Variants in SFI1 observed in about 807,000 individuals in gnomAD.
The protein encoded by SFI1 is SFI1 centrin binding protein.
Under a neutral mutation model 207.5 loss-of-function variants are expected in SFI1, and 195 were observed. That is an observed-to-expected ratio of 0.94 (90% CI 0.84 to 1.06). SFI1 has a LOEUF of 1.06. Among genes scored for constraint, SFI1 ranks in the 50% least tolerant of loss-of-function variants. The pLI, the probability that SFI1 is intolerant of heterozygous loss-of-function variation, is 0.00. For synonymous variants in SFI1, 630 were observed against 598.9 expected (o/e 1.05, Z -0.76); for missense variants, 1,634 against 1,588.0 (o/e 1.03, Z -0.49).
rs1473195397 is a variant in SFI1, at chr22:31,611,831, G to C, written c.2481G>C (p.Trp827Cys). 2 of 1,613,910 alleles carry C rather than the reference G, an allele frequency of 1.2e-6. No homozygotes were observed. The highest frequency in any genetic ancestry group is 1.7e-6 in the Non-Finnish European group (2 of 1,179,948). Residue 827 changes from tryptophan to cysteine, a missense_variant, in exon 24 of 33, where the codon TGG becomes TGC. By Grantham distance (215) the Trp-to-Cys change is radical. Transcript: ENST00000400288. ...QRLSRTCFRQ[W>C]RQQLAARRQE... ...TCAGCCGGACCTGCTTCCGCCAGTG[G>C]AGACAACAGGTGGGAACCCAGGAGA...
chr22:31,590,063 GA>G (rs2065633991), intron 15 of SFI1, among the ~76,000 whole-genome samples: 1 of 151,754 alleles, frequency 6.6e-6, no homozygotes, highest in South Asian at 2.1e-4. Context: ...AGGAGAAGAT[GA>G]GATGAGATCT....
chr22:31,518,613 G>T (rs117355264), intron 2 of SFI1, among the ~76,000 whole-genome samples: 2 of 151,842 alleles, frequency 1.3e-5, no homozygotes, highest in Middle Eastern at 3.4e-3. Context: ...TATGTTTGTC[G>T]TCCCTTTGTG....
At chr22:31,570,563 AT>A (rs1417980397) in intron 8 of SFI1, among the ~76,000 whole-genome samples, 3 of 152,186 alleles carry the variant, frequency 2.0e-5, no homozygotes, top group African/African-American at 7.2e-5. Context: ...TGGGAGGTAC[AT>A]TTGGGAAATT....
intron 31 of SFI1, among the ~76,000 whole-genome samples, 194 bp from the exon 32 acceptor site, chr22:31,617,918 CGGA>C (rs982973183): frequency 5.3e-5 from 8 of 152,102 alleles, no homozygotes; most frequent in African/African-American, 1.9e-4. Flanking sequence ...CTGGGGAGGG[CGGA>C]GGAGACTGGG....
rs548260620 is a variant in SFI1, at chr22:31,618,328, C to T, written c.3639C>T (p.Ile1213=). 1.2e-6 allele frequency: 2 copies of T among 1,610,086 alleles called. No individual in the cohort carries two copies. Among genetic ancestry groups the T allele is most frequent in the South Asian group, 1.1e-5 (1 of 90,848 alleles). ...QKELEQVEMQ[I]QLLAEELQAQ... ...CATGGCCCCAGGTGGAAATGCAGAT[C>T]CAGCTGCTGGCAGAGGAGCTCCAGG... Residue 1213 remains isoleucine, a synonymous_variant, in exon 33 of 33, where the codon ATC becomes ATT. Coordinates refer to ENST00000400288, the MANE Select transcript of SFI1 (RefSeq NM_001007467.3).
intron 4 of SFI1, among the ~76,000 whole-genome samples, chr22:31,531,498 G>A (rs1024403373): frequency 2.0e-5 from 3 of 152,164 alleles, no homozygotes; most frequent in Admixed American, 1.3e-4. Context: ...CGTGGCTCAC[G>A]CCTGTAAACC....
intron 10 of SFI1, among the ~76,000 whole-genome samples, chr22:31,576,933 C>T (rs1316114222): frequency 3.3e-5 from 5 of 152,188 alleles, no homozygotes; most frequent in Admixed American, 2.6e-4. Context: ...GCCTGAGCCA[C>T]CGCACCCAGC....
At chr22:31,594,318 A>AAG (rs1180572073) in intron 15 of SFI1, among the ~76,000 whole-genome samples, 2 of 149,424 alleles carry the variant, frequency 1.3e-5, no homozygotes, top group East Asian at 2.0e-4. Flanking sequence ...GGGAGGCCGG[A>AAG]GCGGGCGGAT....
chr22:31,593,998 G>GAGAGGA (rs1412133988), intron 15 of SFI1, among the ~76,000 whole-genome samples: 4 of 83,604 alleles, frequency 4.8e-5, no homozygotes, highest in Admixed American at 1.1e-4. Flanking sequence ...GAGGGAGAGG[G>GAGAGGA]AGAGGGACAG....
intron 2 of SFI1, among the ~76,000 whole-genome samples, chr22:31,516,921 T>G (rs1409413015): frequency 6.6e-6 from 1 of 151,888 alleles, no homozygotes; most frequent in Non-Finnish European, 1.5e-5. Flanking sequence ...GCCATTGCAC[T>G]CCAGCCTGGG....
rs978225469 is a variant in SFI1 at position 31,533,860 on chromosome 22, C to A, written c.338+2731C>A. Among the ~76,000 whole-genome samples the A allele has an allele frequency of 3.9e-5, 6 of 152,028 alleles. No homozygotes were observed. The East Asian group carries it at 1.2e-3, about 29-fold the overall frequency. On this transcript the variant is annotated intron_variant, in intron 4 of 32. Coordinates refer to ENST00000400288, the MANE Select transcript of SFI1 (RefSeq NM_001007467.3). ...TCTCTCTTTTTTGTTTAATTTATTG[C>A]ATATTCTATTCTCCACTGTTAGCTT...
chr22:31,588,530 T>C (rs1443111042), intron 14 of SFI1, among the ~76,000 whole-genome samples: 2 of 152,128 alleles, frequency 1.3e-5, no homozygotes, highest in Non-Finnish European at 2.9e-5. Context: ...CTCTACACAT[T>C]TGGGCTGGGC....
At chr22:31,546,837 T>C (rs758794376) in intron 4 of SFI1, 24 bp from the exon 5 acceptor site, 8 of 1,431,896 alleles carry the variant, frequency 5.6e-6, no homozygotes, top group Admixed American at 1.8e-5. Context: ...ATCATATATA[T>C]ATATGATTTT....
At chr22:31,590,925 G>A (rs1003240122) in intron 15 of SFI1, among the ~76,000 whole-genome samples, 2 of 149,936 alleles carry the variant, frequency 1.3e-5, no homozygotes, top group South Asian at 2.1e-4. Flanking sequence ...TTTACTACTG[G>A]CTTTTCTATA....
chr22:31,557,937 AGTT>A (rs1294552494), intron 7 of SFI1, among the ~76,000 whole-genome samples: 3 of 152,200 alleles, frequency 2.0e-5, no homozygotes, highest in Non-Finnish European at 4.4e-5. Context: ...TGTTGTCTGT[AGTT>A]GTCCACTGGT....
chr22:31,528,836 A>AG lies in SFI1; in HGVS notation c.242dup (p.Arg82ProfsTer30). ...CGTGGCACACATACTTGTACCCGAC[A>AG]GGGCCGGTTAAGAGAACTGCGCATC... On this transcript the variant is annotated frameshift_variant, in exon 3 of 33. Coordinates refer to ENST00000400288, the MANE Select transcript of SFI1 (RefSeq NM_001007467.3). LOFTEE classifies it high-confidence loss of function. 1 of 1,613,912 alleles carries AG rather than the reference A, an allele frequency of 6.2e-7. No individual in the cohort carries two copies. Among genetic ancestry groups the AG allele is most frequent in the Non-Finnish European group, 8.5e-7 (1 of 1,179,896 alleles).
At chr22:31,544,558 G>C (rs2059898918) in intron 4 of SFI1, among the ~76,000 whole-genome samples, 1 of 152,054 alleles carries the variant, frequency 6.6e-6, no homozygotes, top group African/African-American at 2.4e-5. Context: ...TTCAAGACTA[G>C]CTAGGGTAAC....
chr22:31,526,715 C>T (rs2057955547), intron 2 of SFI1, among the ~76,000 whole-genome samples: 1 of 151,738 alleles, frequency 6.6e-6, no homozygotes, highest in South Asian at 2.1e-4. Flanking sequence ...GCCACCACAC[C>T]CGGCTAATTT....
chr22:31,557,983 C>T lies in SFI1; in HGVS notation c.662+924C>T, dbSNP rs142683233. Among the ~76,000 whole-genome samples, 762 of 152,268 alleles carry T rather than the reference C, an allele frequency of 5.0e-3. 3 individuals are homozygous for T. The highest frequency in any genetic ancestry group is 7.7e-3 in the Non-Finnish European group (522 of 68,030). On this transcript the variant is annotated intron_variant, in intron 7 of 32. Transcript: ENST00000400288. Reference sequence around the variant, plus strand: ...ATGGTAATATATTAATAATTCACTTCCTGCCTGAAAGTTGGGTATTGAACA... The same window carrying T: ...ATGGTAATATATTAATAATTCACTTTCTGCCTGAAAGTTGGGTATTGAACA...
Sources: allele counts gnomAD v4.1 joint callset (sites outside exome capture counted in the v4.1 genomes callset), GRCh38; gene constraint gnomAD v4.1.1; transcripts MANE v1.5; gene names NCBI Gene and HGNC (gene_info 2026-07-23, HGNC 2026-07-21).